MYH13: variants seen among roughly 807,000 people sequenced by gnomAD.
MYH13 encodes the protein myosin-13.
Under a neutral mutation model 232.1 loss-of-function variants are expected in MYH13, and 177 were observed. That is an observed-to-expected ratio of 0.76 (90% CI 0.67 to 0.86). The LOEUF is 0.86. Among genes scored for constraint, MYH13 ranks in the 40% least tolerant of loss-of-function variants. MYH13 has a pLI of 0.00. For missense variants in MYH13, 2,246 were observed against 2,405.9 expected (o/e 0.93, Z 1.39); for synonymous variants, 884 against 923.5 (o/e 0.96, Z 0.78).
chr17:10,342,897 T>A (rs1048114622), intron 16 of MYH13, among the ~76,000 whole-genome samples: 3 of 152,044 alleles, frequency 2.0e-5, no homozygotes, highest in African/African-American at 7.2e-5. Context: ...GAGACCATCC[T>A]GGCCACCATG....
In MYH13 at chr17:10,309,691, T is replaced by C. The variant is rs532024762; in HGVS notation, c.4796A>G (p.Glu1599Gly). ...QLKRNSQRAA[E>G]ALQSVLDAEI... is the part of the protein sequence containing the mutation. ...AGCATCCAGCACGCTCTGCAGGGCCTCTGCTGCCCGCTGGCTGTTTCTTTT... is the reference window on the plus strand; with the variant it reads ...AGCATCCAGCACGCTCTGCAGGGCCCCTGCTGCCCGCTGGCTGTTTCTTTT... The change falls in exon 34 of 41, where the codon GAG (glutamate) becomes GGG (glycine). Residue 1599 changes from glutamate to glycine, a missense_variant. Coordinates refer to ENST00000252172, the MANE Select transcript of MYH13 (RefSeq NM_003802.3). 1.1e-5 allele frequency: 18 copies of C among 1,608,796 alleles called. No individual in the cohort carries two copies. The East Asian group carries it at 3.4e-4, about 30-fold the overall frequency.
intron 7 of MYH13, among the ~76,000 whole-genome samples, chr17:10,359,142 A>T (rs1305665402): frequency 6.6e-6 from 1 of 152,134 alleles, no homozygotes; most frequent in Non-Finnish European, 1.5e-5. Context: ...TGCTAATGAG[A>T]TGATTGGTGG....
intron 33 of MYH13, among the ~76,000 whole-genome samples, 152 bp downstream of exon 33, chr17:10,310,951 C>T (rs139035770): frequency 6.7e-4 from 102 of 152,254 alleles, no homozygotes; most frequent in African/African-American, 1.8e-3. Flanking sequence ...AGTAGCAGCC[C>T]GTGGATGTTT....
intron 8 of MYH13, among the ~76,000 whole-genome samples, chr17:10,357,024 A>G (rs1441277210): frequency 6.6e-6 from 1 of 152,042 alleles, no homozygotes; most frequent in Non-Finnish European, 1.5e-5. Flanking sequence ...GCAGTGTTGC[A>G]ACTTCGGCTC....
chr17:10,351,793 G>T (rs1470216233), intron 11 of MYH13, among the ~76,000 whole-genome samples: 1 of 152,184 alleles, frequency 6.6e-6, no homozygotes, highest in African/African-American at 2.4e-5. Flanking sequence ...CCTTCTCTGG[G>T]GTACACATAT....
Position 10,309,650 on chromosome 17 carries a change from T to A in MYH13, c.4837A>T (p.Asn1613Tyr), listed in dbSNP as rs924997487. ...SVLDAEIRSR[N>Y]DALRLKKKME... is the part of the protein sequence containing the mutation. ...TTCTTCTTTAGCCTCAGGGCGTCGT[T>A]CCGGCTGCGGATTTCAGCATCCAGC... The change falls in exon 34 of 41, where the codon AAC (asparagine) becomes TAC (tyrosine). Residue 1613 changes from asparagine (N) to tyrosine (Y), a missense_variant. Coordinates refer to ENST00000252172, the MANE Select transcript of MYH13 (RefSeq NM_003802.3). The A allele has an allele frequency of 1.9e-6, 3 of 1,611,712 alleles. No homozygotes were observed. The highest frequency in any genetic ancestry group is 1.7e-6 in the Non-Finnish European group (2 of 1,178,938).
chr17:10,371,498 G>T (rs1289776811), intron 1 of MYH13, among the ~76,000 whole-genome samples: 1 of 152,186 alleles, frequency 6.6e-6, no homozygotes, highest in African/African-American at 2.4e-5. Context: ...AAACTTCTGT[G>T]TGTACAATGT....
At chr17:10,340,500 T>C in intron 16 of MYH13, 99 bp from the exon 17 acceptor site, 1 of 889,288 alleles carries the variant, frequency 1.1e-6, no homozygotes, top group Non-Finnish European at 1.7e-6. Flanking sequence ...CTGGTTTCCT[T>C]TTGACATAAG....
intron 22 of MYH13, among the ~76,000 whole-genome samples, chr17:10,327,305 G>C (rs1907249311): frequency 6.7e-6 from 1 of 150,352 alleles, no homozygotes; most frequent in Non-Finnish European, 1.5e-5. Flanking sequence ...CCGGCCGCCT[G>C]CTAGTTTTTA....
chr17:10,344,023 C>T lies in MYH13; in HGVS notation c.1671G>A (p.Gln557=). The change falls in exon 16 of 41, where the codon CAG becomes CAA. Residue 557 remains glutamine (Q), a synonymous_variant. Transcript: ENST00000252172. ...DTSFKNKLYD[Q]HLGKSNNFQK... is the part of the protein sequence containing the mutation. The stretch of plus-strand genomic sequence containing the variant: ...GGAAGTTGTTGGATTTTCCAAGATG[C>T]TGGTCATACAGCTTGTTCTTGAAGG... 6.2e-7 allele frequency: 1 copy of T among 1,614,232 alleles called. No homozygotes were observed. The highest frequency in any genetic ancestry group is 8.5e-7 in the Non-Finnish European group (1 of 1,180,058).
chr17:10,301,620 A>C lies in MYH13; in HGVS notation c.5751T>G (p.Ala1917=). 1 of 1,614,162 alleles carries C rather than the reference A, an allele frequency of 6.2e-7. No individual in the cohort carries two copies. Among genetic ancestry groups the C allele is most frequent in the Non-Finnish European group, 8.5e-7 (1 of 1,180,030 alleles). The part of the protein sequence containing the change: ...LEEAAERADI[A]ESQVNKLRAK... ...CCCTCAGCTTGTTGACCTGGGACTC[A>C]GCGATGTCCGCCCTCTCCGCGGCCT... The change falls in exon 40 of 41, where the codon GCT becomes GCG. Residue 1917 remains alanine, a synonymous_variant. Coordinates refer to ENST00000252172, the MANE Select transcript of MYH13 (RefSeq NM_003802.3).
chr17:10,308,418 T>TAC (rs1906366548), intron 35 of MYH13, among the ~76,000 whole-genome samples: 1 of 146,730 alleles, frequency 6.8e-6, no homozygotes, highest in African/African-American at 2.5e-5. Context: ...TGACTATATA[T>TAC]ATATGTATTT....
Position 10,310,094 on chromosome 17 carries a change from G to GTT in MYH13, c.4657-266_4657-265dup, listed in dbSNP as rs61271828. 7.2e-3 allele frequency among the ~76,000 whole-genome samples: 953 copies of GTT among 132,034 alleles called. 12 individuals are homozygous for GTT. Among genetic ancestry groups the GTT allele is most frequent in the South Asian group, 0.025 (102 of 4,038 alleles). 86.6% of individuals were successfully genotyped at this position (132,034 alleles called of 152,430 possible). On this transcript the variant is annotated intron_variant, in intron 33 of 40. Coordinates refer to ENST00000252172, the MANE Select transcript of MYH13 (RefSeq NM_003802.3). ...TGCCCAGAGCCCAAATAGGTTTTGTGTTTTTTTTTTTTTTTGGACAGAGTC... is the reference window on the plus strand; with the variant it reads ...TGCCCAGAGCCCAAATAGGTTTTGTGTTTTTTTTTTTTTTTTTGGACAGAGTC...
chr17:10,311,028 A>G lies in MYH13; in HGVS notation c.4656+75T>C, dbSNP rs2142221886. The G allele has an allele frequency of 3.2e-6, 5 of 1,581,162 alleles. No individual in the cohort carries two copies. In the South Asian group the frequency reaches 5.8e-5, roughly 18 times the overall value. The stretch of plus-strand genomic sequence containing the variant: ...AGGGTCTCCTGGCAGGAAAGGCCCC[A>G]TGGGGTGGTGAAGGGCAGCCTCTTT... On this transcript the variant is annotated intron_variant, in intron 33 of 40. Coordinates refer to ENST00000252172, the MANE Select transcript of MYH13 (RefSeq NM_003802.3).
intron 22 of MYH13, 135 bp downstream of exon 22, chr17:10,327,731 T>G: frequency 9.2e-7 from 1 of 1,084,750 alleles, no homozygotes; most frequent in Non-Finnish European, 1.3e-6. Context: ...AGCAAGGTGG[T>G]GCTGCAATAC....
intron 2 of MYH13, among the ~76,000 whole-genome samples, chr17:10,370,970 A>G (rs140161614): frequency 0.012 from 1,839 of 152,292 alleles, 48 homozygotes; most frequent in African/African-American, 0.043. Flanking sequence ...TGGAGCTTGT[A>G]TGTCAAAATT....
At chr17:10,328,601 G>A (rs1907301964) in intron 21 of MYH13, among the ~76,000 whole-genome samples, 1 of 151,816 alleles carries the variant, frequency 6.6e-6, no homozygotes, top group Non-Finnish European at 1.5e-5. Flanking sequence ...AGAAACCCAG[G>A]ACTTGTCCTT....
rs1053679053 is a variant in MYH13, at chr17:10,327,874, C to T, written c.2683G>A (p.Val895Ile). 3.1e-6 allele frequency: 5 copies of T among 1,612,598 alleles called. No homozygotes were observed. Among genetic ancestry groups the T allele is most frequent in the East Asian group, 2.2e-5 (1 of 44,878 alleles). Residue 895 changes from valine to isoleucine, a missense_variant, in exon 22 of 41, where the codon GTC becomes ATC. Transcript: ENST00000252172. Reference sequence around the variant, plus strand: ...AAGTAGAAGGTACTTACAGACTGGACCTGCAATTGGAGGTCATTCTTCTCC... The same window carrying T: ...AAGTAGAAGGTACTTACAGACTGGATCTGCAATTGGAGGTCATTCTTCTCC... Reference protein sequence around the residue: ...LQEKNDLQLQVQSETENLMDA... With the variant: ...LQEKNDLQLQIQSETENLMDA...
chr17:10,321,583 T>C lies in MYH13; in HGVS notation c.3060A>G (p.Lys1020=), dbSNP rs1179536970. The part of the protein sequence containing the change: ...TLDDLQVEED[K]VNGLIKINAK... ...CATTTATTTTGATTAGACCATTGAC[T>C]TTATCTTCTTCCACCTGAAGATCAT... Residue 1020 remains lysine, a synonymous_variant, in exon 24 of 41, where the codon AAA becomes AAG. Transcript: ENST00000252172. 6.2e-7 allele frequency: 1 copy of C among 1,613,792 alleles called. No homozygotes were observed. Among genetic ancestry groups the C allele is most frequent in the African/African-American group, 1.3e-5 (1 of 74,944 alleles).
Sources: allele counts gnomAD v4.1 joint callset (sites outside exome capture counted in the v4.1 genomes callset), GRCh38; gene constraint gnomAD v4.1.1; transcripts MANE v1.5; gene names NCBI Gene and HGNC (gene_info 2026-07-23, HGNC 2026-07-21).